The following HBS1L variants were observed in gnomAD, a reference collection of about 807,000 sequenced individuals.
HBS1L encodes the protein HBS1-like protein.
In HBS1L, 55 loss-of-function variants were observed where a neutral mutation model predicts 88.9. The ratio of observed to expected loss-of-function variants is 0.62; its 90% CI spans 0.50 to 0.77. The LOEUF is 0.77. Among genes scored for constraint, HBS1L ranks in the 30% least tolerant of loss-of-function variants. The pLI is 0.00. For missense variants in HBS1L, 741 were observed against 829.3 expected, an observed-to-expected ratio of 0.89 and a Z score of 1.31; for synonymous variants, 267 against 288.5, an observed-to-expected ratio of 0.93 and a Z score of 0.76.
At chr6:134,987,831 A>G (rs1775021757) in intron 8 of HBS1L, 40 bp from the exon 9 acceptor site, 1 of 1,526,506 alleles carries the variant, frequency 6.6e-7, no homozygotes, top group Non-Finnish European at 8.8e-7. Flanking sequence ...ATAATGTTTC[A>G]GCATTTTAAT....
intron 5 of HBS1L, among the ~76,000 whole-genome samples, chr6:134,999,814 T>C (rs980061269): frequency 2.0e-5 from 3 of 152,120 alleles, no homozygotes; most frequent in African/African-American, 7.2e-5. Context: ...TAGTGGGAAA[T>C]GACCAAAGTA....
chr6:134,974,829 C>T (rs1047607247), intron 15 of HBS1L, among the ~76,000 whole-genome samples: 1 of 152,120 alleles, frequency 6.6e-6, no homozygotes, highest in East Asian at 1.9e-4. Context: ...AAGTTGAAAG[C>T]ATTCCCCCTA....
At chr6:135,015,192 C>T (rs139792093) in intron 4 of HBS1L, among the ~76,000 whole-genome samples, 6 of 152,196 alleles carry the variant, frequency 3.9e-5, no homozygotes, top group African/African-American at 1.4e-4. Flanking sequence ...GAGAAGGCAG[C>T]CAATGAAGGA....
At chr6:135,045,836 C>G (rs539690583) in intron 2 of HBS1L, among the ~76,000 whole-genome samples, 1 of 115,248 alleles carries the variant, frequency 8.7e-6, no homozygotes, top group South Asian at 3.3e-4. Flanking sequence ...GAGACTCCGT[C>G]TCAAAAAAAA....
At chr6:135,017,074 A>G (rs1775942660) in intron 4 of HBS1L, among the ~76,000 whole-genome samples, 1 of 152,208 alleles carries the variant, frequency 6.6e-6, no homozygotes, top group Non-Finnish European at 1.5e-5. Flanking sequence ...ATTTGTTCAC[A>G]CCCGTTTAAC....
chr6:134,969,265 G>A lies in HBS1L; in HGVS notation c.1871C>T (p.Thr624Met), dbSNP rs779153204. ...KRLISVLNKS[T>M]GEVTKKKPKF... ...AGGCTTTTTCTTTGTGACTTCACCC[G>A]TGCTTTTGTTTAAGACACTAATCAA... Residue 624 changes from threonine (T) to methionine (M), a missense_variant, in exon 16 of 18, where the codon ACG (threonine) becomes ATG (methionine). Around this residue, in one of 3 missense-constraint regions of HBS1L, gnomAD observed 181 missense variants for 212.7 expected, o/e 0.85. Transcript: ENST00000367837. 5.6e-6 allele frequency: 9 copies of A among 1,612,604 alleles called. No homozygotes were observed. The highest frequency in any genetic ancestry group is 2.2e-5 in the South Asian group (2 of 91,056).
chr6:135,007,636 A>C (rs974739248), intron 4 of HBS1L, among the ~76,000 whole-genome samples: 1 of 152,200 alleles, frequency 6.6e-6, no homozygotes, highest in African/African-American at 2.4e-5. Context: ...CCATTCTGGA[A>C]GGCAGGCAAA....
chr6:135,046,838 T>C (rs193274977), intron 2 of HBS1L, among the ~76,000 whole-genome samples: 39 of 152,348 alleles, frequency 2.6e-4, no homozygotes, highest in Non-Finnish European at 4.9e-4. Flanking sequence ...TGCTTAAGAA[T>C]AGAAAATATT....
At position 135,039,578 on chromosome 6, in the gene HBS1L, G is replaced by A. The variant is rs201539756; in HGVS notation, c.425C>T (p.Ala142Val). Residue 142 changes from alanine to valine, a missense_variant, in exon 4 of 18, where the codon GCA becomes GTA. Physicochemically the swap from Ala to Val is moderately conservative, Grantham distance 64. This residue lies in a region of HBS1L where 556 missense variants were observed against 598.4 expected (regional missense o/e 0.93). Transcript: ENST00000367837. ...AAGAACAAGTAAAGGCATACCTTTTGCTATCTTTCCTGTAGATACTGTTGC... is the reference window on the plus strand; with the variant it reads ...AAGAACAAGTAAAGGCATACCTTTTACTATCTTTCCTGTAGATACTGTTGC... ...NEATVSTGKI[A>V]KGKPVDSQTS... is the part of the protein sequence containing the mutation. 6.2e-7 allele frequency: 1 copy of A among 1,612,678 alleles called. No homozygotes were observed. The highest frequency in any genetic ancestry group is 2.2e-5 in the East Asian group (1 of 44,824).
At chr6:134,979,591 A>T (rs1206844508) in intron 13 of HBS1L, among the ~76,000 whole-genome samples, 1 of 152,100 alleles carries the variant, frequency 6.6e-6, no homozygotes, top group Admixed American at 6.6e-5. Context: ...TATTTCTATC[A>T]TATTAATGGA....
At chr6:135,015,160 T>C (rs1775884364) in intron 4 of HBS1L, among the ~76,000 whole-genome samples, 1 of 152,320 alleles carries the variant, frequency 6.6e-6, no homozygotes, top group South Asian at 2.1e-4. Context: ...AAGACCTAGA[T>C]TGCTTATCGA....
chr6:135,048,829 A>C (rs1469643666), intron 2 of HBS1L, among the ~76,000 whole-genome samples: 1 of 152,232 alleles, frequency 6.6e-6, no homozygotes, highest in Non-Finnish European at 1.5e-5. Context: ...GATTAAGCTA[A>C]ATGAGAAAAG....
chr6:135,054,784 C>G lies in HBS1L; in HGVS notation c.-93G>C. The G allele has an allele frequency of 3.4e-6, 5 of 1,473,944 alleles. No homozygotes were observed. Among genetic ancestry groups the G allele is most frequent in the Non-Finnish European group, 4.7e-6 (5 of 1,068,742 alleles). 91.3% of individuals were successfully genotyped at this position (1,473,944 alleles called of 1,614,324 possible). On this transcript the variant is annotated 5_prime_UTR_variant, in exon 1 of 18. Coordinates refer to ENST00000367837, the MANE Select transcript of HBS1L (RefSeq NM_006620.4). The stretch of plus-strand genomic sequence containing the variant: ...AGGCGCCAACTGCAGCCTGGAGAAC[C>G]CCTATGCGCCATCTTGGCTTCCCGC...
At chr6:135,036,467 G>A in intron 4 of HBS1L, 1 of 1,363,756 alleles carries the variant, frequency 7.3e-7, no homozygotes, top group Non-Finnish European at 9.4e-7. Flanking sequence ...ATAAAAATCA[G>A]AATTTGAATC....
At chr6:135,022,272 A>T (rs921488556) in intron 4 of HBS1L, among the ~76,000 whole-genome samples, 9 of 152,238 alleles carry the variant, frequency 5.9e-5, no homozygotes, top group African/African-American at 2.2e-4. Flanking sequence ...CTTAGAATAA[A>T]ACAAGAAAGT....
Position 134,966,187 on chromosome 6 carries a change from C to G in HBS1L, c.2043+142G>C, listed in dbSNP as rs534019632. On this transcript the variant is annotated intron_variant, in intron 17 of 17. Coordinates refer to ENST00000367837, the MANE Select transcript of HBS1L (RefSeq NM_006620.4). The stretch of plus-strand genomic sequence containing the variant: ...TATAACCCTATCCCTTAAAGGACCA[C>G]TACAACCTAAAATGAGTAAGGCTTC... The G allele has an allele frequency of 1.3e-4, 80 of 638,656 alleles. 1 individual carries two copies. The South Asian group carries it at 2.7e-3, about 22-fold the overall frequency. 39.6% of individuals were successfully genotyped at this position (638,656 alleles called of 1,614,324 possible).
At chr6:135,018,862 C>T (rs1474446836) in intron 4 of HBS1L, among the ~76,000 whole-genome samples, 1 of 151,892 alleles carries the variant, frequency 6.6e-6, no homozygotes, top group Non-Finnish European at 1.5e-5. Context: ...CCCAAACTCT[C>T]TCTGAGAGAT....
At chr6:135,022,899 T>C (rs1400995244) in intron 4 of HBS1L, among the ~76,000 whole-genome samples, 2 of 151,302 alleles carry the variant, frequency 1.3e-5, no homozygotes, top group Admixed American at 6.6e-5. Context: ...GGATAAAATC[T>C]CATAATACAT....
chr6:135,052,003 AC>A (rs1366348556), intron 1 of HBS1L, among the ~76,000 whole-genome samples: 1 of 152,320 alleles, frequency 6.6e-6, no homozygotes, highest in Admixed American at 6.5e-5. Flanking sequence ...GGGAACACAC[AC>A]ATGAATGACA....
Sources: allele counts gnomAD v4.1 joint callset (sites outside exome capture counted in the v4.1 genomes callset), GRCh38; gene constraint gnomAD v4.1.1; regional missense constraint gnomAD v4.1.1; transcripts MANE v1.5; gene names NCBI Gene and HGNC (gene_info 2026-07-23, HGNC 2026-07-21).